The following PPM1E variants were observed in gnomAD, a reference collection of about 807,000 sequenced individuals.
The protein encoded by PPM1E is protein phosphatase, Mg2+/Mn2+ dependent 1E.
A neutral mutation model predicts 65.9 loss-of-function variants in PPM1E; 20 were observed. The ratio of observed to expected loss-of-function variants is 0.30; its 90% CI spans 0.21 to 0.44. The LOEUF (loss-of-function observed/expected upper bound fraction) is 0.44, where lower values mean the gene tolerates loss of function less well. Among genes scored for constraint, PPM1E ranks in the 20% least tolerant of loss-of-function variants. The probability of loss-of-function intolerance (pLI) is 1.00; values close to 1 mark genes in which losing one functional copy is unlikely to be tolerated. For synonymous variants in PPM1E, 352 were observed against 374.9 expected (o/e 0.94, Z 0.70); for missense variants, 713 against 953.1 (o/e 0.75, Z 3.32).
At chr17:58,850,848 C>T (rs1381342500) in intron 1 of PPM1E, among the ~76,000 whole-genome samples, 1 of 152,186 alleles carries the variant, frequency 6.6e-6, no homozygotes. Context: ...GGGAAGTTCT[C>T]CTGGATAATA....
chr17:58,904,207 TATA>T (rs1426512714), intron 1 of PPM1E, among the ~76,000 whole-genome samples: 58 of 152,294 alleles, frequency 3.8e-4, no homozygotes, highest in African/African-American at 1.4e-3. Context: ...GTCTTTCTTA[TATA>T]ATATTTTGCT....
At chr17:58,889,933 A>T (rs2051325273) in intron 1 of PPM1E, among the ~76,000 whole-genome samples, 1 of 152,252 alleles carries the variant, frequency 6.6e-6, no homozygotes, top group South Asian at 2.1e-4. Context: ...TGCTATGTGT[A>T]TCTAATCAAA....
intron 1 of PPM1E, among the ~76,000 whole-genome samples, chr17:58,758,927 G>A (rs1035367805): frequency 1.3e-5 from 2 of 151,944 alleles, no homozygotes; most frequent in Non-Finnish European, 2.9e-5. Context: ...ATAATTAGCC[G>A]GGCATGGTGG....
chr17:58,822,324 ATT>A (rs1251272737), intron 1 of PPM1E, among the ~76,000 whole-genome samples: 7 of 138,236 alleles, frequency 5.1e-5, no homozygotes, highest in Non-Finnish European at 9.2e-5. Context: ...GTCTGAATTT[ATT>A]TTTATTTATT....
chr17:58,865,685 AAGGAGACC>A (rs1029213307), intron 1 of PPM1E, among the ~76,000 whole-genome samples: 2 of 152,336 alleles, frequency 1.3e-5, no homozygotes, highest in Non-Finnish European at 2.9e-5. Context: ...TGGGTGACAG[AAGGAGACC>A]CTGTCTCAAA....
chr17:58,951,934 T>G (rs750916020), intron 1 of PPM1E, among the ~76,000 whole-genome samples: 4 of 152,188 alleles, frequency 2.6e-5, no homozygotes, highest in Non-Finnish European at 4.4e-5. Context: ...TCACATTTGA[T>G]GTGTCCCTAT....
At chr17:58,842,493 A>G (rs542298654) in intron 1 of PPM1E, among the ~76,000 whole-genome samples, 3 of 152,290 alleles carry the variant, frequency 2.0e-5, no homozygotes, top group South Asian at 2.1e-4. Context: ...ATGCTACACT[A>G]TCTACTCAAT....
chr17:58,836,653 C>T lies in PPM1E; in HGVS notation c.464+80192C>T, dbSNP rs188328029. On this transcript the variant is annotated intron_variant, in intron 1 of 6. Coordinates refer to ENST00000308249, the MANE Select transcript of PPM1E (RefSeq NM_014906.5). ...CTAGTTTTTGTATTTTTAGTAGAGA[C>T]GGGGTTTCACCATATTGGTCAGGCT... 4.5e-3 allele frequency among the ~76,000 whole-genome samples: 679 copies of T among 150,528 alleles called. 3 individuals are homozygous for T. Among genetic ancestry groups the T allele is most frequent in the African/African-American group, 0.016 (643 of 41,242 alleles).
chr17:58,861,971 C>T (rs1285720726), intron 1 of PPM1E, among the ~76,000 whole-genome samples: 1 of 152,078 alleles, frequency 6.6e-6, no homozygotes, highest in Middle Eastern at 3.2e-3. Context: ...TTCCAATAGA[C>T]AAAGACTCCT....
chr17:58,939,734 T>C (rs1201337533), intron 1 of PPM1E, among the ~76,000 whole-genome samples: 2 of 152,176 alleles, frequency 1.3e-5, no homozygotes, highest in African/African-American at 4.8e-5. Flanking sequence ...TTTATTTCCG[T>C]CTATGAATAT....
rs575684419 is a variant in PPM1E at position 58,959,117 on chromosome 17, T to A, written c.583+3350T>A. ...TGAGGTTGGGAGTTCGAGACCAGCC[T>A]GGCCAACATAGTGAAACCCCATCTC... is the stretch of plus-strand genomic sequence containing the variant. On this transcript the variant is annotated intron_variant, in intron 2 of 6. Transcript: ENST00000308249. 3.9e-5 allele frequency among the ~76,000 whole-genome samples: 6 copies of A among 151,944 alleles called. No individual in the cohort carries two copies. The East Asian group carries it at 9.7e-4, about 25-fold the overall frequency.
At chr17:58,958,323 A>G (rs1030917278) in intron 2 of PPM1E, among the ~76,000 whole-genome samples, 6 of 151,614 alleles carry the variant, frequency 4.0e-5, no homozygotes, top group Middle Eastern at 3.5e-3. Flanking sequence ...CAATCCTCAC[A>G]CCTCAGCCTC....
intron 1 of PPM1E, among the ~76,000 whole-genome samples, chr17:58,805,715 A>C (rs964781452): frequency 2.6e-5 from 4 of 152,106 alleles, no homozygotes; most frequent in Non-Finnish European, 5.9e-5. Context: ...GAAAGTCATC[A>C]TACTAGTAGC....
intron 1 of PPM1E, among the ~76,000 whole-genome samples, chr17:58,939,162 G>C (rs911939997): frequency 1.3e-5 from 2 of 152,074 alleles, no homozygotes; most frequent in South Asian, 4.1e-4. Flanking sequence ...CCTGTCCCCA[G>C]ACACTAAAAC....
chr17:58,762,856 C>T (rs1014252764), intron 1 of PPM1E, among the ~76,000 whole-genome samples: 3 of 149,690 alleles, frequency 2.0e-5, no homozygotes, highest in Non-Finnish European at 4.4e-5. Flanking sequence ...CGAGATCCCG[C>T]CACTGCACTC....
chr17:58,829,296 C>G (rs891474164), intron 1 of PPM1E, among the ~76,000 whole-genome samples: 16 of 152,144 alleles, frequency 1.1e-4, no homozygotes, highest in Non-Finnish European at 2.9e-5. Flanking sequence ...TCTGCCTCGG[C>G]CTCCCAAACT....
rs530961508 is a variant in PPM1E, at chr17:58,802,772, A to T, written c.464+46311A>T. Among the ~76,000 whole-genome samples, 19 of 151,986 alleles carry T rather than the reference A, an allele frequency of 1.3e-4. No individual in the cohort carries two copies. The South Asian group carries it at 3.5e-3, about 28-fold the overall frequency. Reference sequence around the variant, plus strand: ...CTCTTTGGTTAAATTTGTTCCTAAAACTATTTTATTACTTTTGATGTTACT... The same window carrying T: ...CTCTTTGGTTAAATTTGTTCCTAAATCTATTTTATTACTTTTGATGTTACT... On this transcript the variant is annotated intron_variant, in intron 1 of 6. Transcript: ENST00000308249.
chr17:58,952,728 C>T (rs1043476776), intron 1 of PPM1E, among the ~76,000 whole-genome samples: 2 of 152,128 alleles, frequency 1.3e-5, no homozygotes, highest in African/African-American at 4.8e-5. Flanking sequence ...GGCTGGAGTG[C>T]AGTGGCATGA....
At chr17:58,937,968 C>G (rs543929321) in intron 1 of PPM1E, among the ~76,000 whole-genome samples, 2 of 151,654 alleles carry the variant, frequency 1.3e-5, no homozygotes, top group East Asian at 3.9e-4. Context: ...AATGGATTCA[C>G]TGCAAGGATT....
Sources: allele counts gnomAD v4.1 joint callset (sites outside exome capture counted in the v4.1 genomes callset), GRCh38; gene constraint gnomAD v4.1.1; transcripts MANE v1.5; gene names NCBI Gene and HGNC (gene_info 2026-07-23, HGNC 2026-07-21).